NPAS3: variants seen among roughly 807,000 people sequenced by gnomAD.
NPAS3 encodes the protein neuronal PAS domain-containing protein 3.
Under a neutral mutation model 73.1 loss-of-function variants are expected in NPAS3, and 14 were observed. That is an observed-to-expected ratio of 0.19 (90% CI 0.13 to 0.30). NPAS3 has a LOEUF of 0.30. Among genes scored for constraint, NPAS3 ranks in the 10% least tolerant of loss-of-function variants. NPAS3 has a pLI of 1.00. For synonymous variants in NPAS3, 620 were observed against 541.5 expected (o/e 1.14, Z -2.01); for missense variants, 1,096 against 1,250.0 (o/e 0.88, Z 1.86).
At chr14:33,020,338 C>A (rs951015936) in intron 1 of NPAS3, among the ~76,000 whole-genome samples, 1 of 152,194 alleles carries the variant, frequency 6.6e-6, no homozygotes, top group African/African-American at 2.4e-5. Flanking sequence ...CAAATCCTGG[C>A]TCCACTGCTA....
At chr14:32,949,105 A>G (rs1168544973) in intron 1 of NPAS3, among the ~76,000 whole-genome samples, 1 of 152,032 alleles carries the variant, frequency 6.6e-6, no homozygotes, top group Non-Finnish European at 1.5e-5. Context: ...GGCTTTCTGT[A>G]TTTTCTAAGT....
At chr14:33,796,547 T>G (rs77201728) in intron 10 of NPAS3, among the ~76,000 whole-genome samples, 2,710 of 152,268 alleles carry the variant, frequency 0.018, 73 homozygotes, top group African/African-American at 0.062. Flanking sequence ...TAATCATCAA[T>G]TTTAAGTCTC....
rs558231358 is a variant in NPAS3 at position 33,423,605 on chromosome 14, C to T, written c.468+56337C>T. ...AGAGAAATATTAAAAAGGAGACAAACGTACTTTAGTTCAAGAAACATATTT... is the reference window on the plus strand; with the variant it reads ...AGAGAAATATTAAAAAGGAGACAAATGTACTTTAGTTCAAGAAACATATTT... On this transcript the variant is annotated intron_variant, in intron 4 of 11. Transcript: ENST00000356141. Among the ~76,000 whole-genome samples the T allele has an allele frequency of 3.8e-4, 58 of 151,950 alleles. No individual in the cohort carries two copies. In the Middle Eastern group the frequency reaches 0.01, roughly 27 times the overall value.
At chr14:33,758,565 T>C (rs1374811023) in intron 7 of NPAS3, among the ~76,000 whole-genome samples, 1 of 152,252 alleles carries the variant, frequency 6.6e-6, no homozygotes, top group Non-Finnish European at 1.5e-5. Flanking sequence ...GGAAGAAGGC[T>C]ATGAGCTTAA....
intron 1 of NPAS3, among the ~76,000 whole-genome samples, chr14:33,048,915 C>T (rs950805371): frequency 7.9e-5 from 12 of 152,156 alleles, no homozygotes; most frequent in East Asian, 1.9e-4. Context: ...TGTGTGTACA[C>T]GTATTTAGGA....
intron 3 of NPAS3, among the ~76,000 whole-genome samples, chr14:33,315,660 C>A (rs746289656): frequency 3.3e-5 from 5 of 151,684 alleles, no homozygotes; most frequent in Non-Finnish European, 7.4e-5. Context: ...GTAAGAGATA[C>A]AGTATATGTT....
At chr14:33,669,976 C>T (rs1053627068) in intron 5 of NPAS3, among the ~76,000 whole-genome samples, 5 of 152,044 alleles carry the variant, frequency 3.3e-5, no homozygotes, top group African/African-American at 7.2e-5. Flanking sequence ...AGTGCAATGT[C>T]GTGATCTCAG....
chr14:33,292,799 C>T (rs1162303135), intron 3 of NPAS3, among the ~76,000 whole-genome samples: 4 of 152,060 alleles, frequency 2.6e-5, no homozygotes, highest in African/African-American at 9.7e-5. Context: ...TTCTAGTGTC[C>T]CATTCAAATA....
chr14:33,168,620 G>T (rs139154027), intron 2 of NPAS3, among the ~76,000 whole-genome samples: 2 of 152,278 alleles, frequency 1.3e-5, no homozygotes, highest in Non-Finnish European at 2.9e-5. Context: ...TGTAGTTGGT[G>T]TAGAGTTCCC....
intron 1 of NPAS3, among the ~76,000 whole-genome samples, chr14:32,949,930 G>A (rs1322644869): frequency 6.6e-6 from 1 of 151,832 alleles, no homozygotes; most frequent in Non-Finnish European, 1.5e-5. Context: ...TTAAAGGATT[G>A]TTTTCTTTGA....
At chr14:33,459,674 C>A (rs1232480472) in intron 4 of NPAS3, among the ~76,000 whole-genome samples, 3 of 152,036 alleles carry the variant, frequency 2.0e-5, no homozygotes, top group African/African-American at 7.2e-5. Context: ...AAAGTTGATT[C>A]TTTTATATCT....
intron 3 of NPAS3, among the ~76,000 whole-genome samples, chr14:33,363,912 G>A (rs1020266153): frequency 3.3e-5 from 4 of 119,636 alleles, no homozygotes; most frequent in Non-Finnish European, 5.4e-5. Flanking sequence ...CATTTATTTA[G>A]CAATGCCCTC....
chr14:33,432,694 G>A (rs892336858), intron 4 of NPAS3, among the ~76,000 whole-genome samples: 3 of 152,084 alleles, frequency 2.0e-5, no homozygotes, highest in Non-Finnish European at 4.4e-5. Flanking sequence ...AGCCATTTAT[G>A]ATTGAAACTC....
rs567269155 is a variant in NPAS3, at chr14:33,146,707, A to T, written c.141-68475A>T. Among the ~76,000 whole-genome samples the T allele has an allele frequency of 3.9e-5, 6 of 152,330 alleles. No homozygotes were observed. The East Asian group carries it at 1.2e-3, about 29-fold the overall frequency. On this transcript the variant is annotated intron_variant, in intron 2 of 11. Coordinates refer to ENST00000356141, the Ensembl canonical transcript of NPAS3. Reference sequence around the variant, plus strand: ...AGTACAGTGCCTAGCACAGTTTCAGACACCTAAACATGCCTTAGCTGTGGT... The same window carrying T: ...AGTACAGTGCCTAGCACAGTTTCAGTCACCTAAACATGCCTTAGCTGTGGT...
At chr14:33,723,238 C>T (rs1446113094) in intron 6 of NPAS3, among the ~76,000 whole-genome samples, 1 of 152,138 alleles carries the variant, frequency 6.6e-6, no homozygotes, top group Admixed American at 6.5e-5. Context: ...ATCTTCTAAA[C>T]TCTTCCATTT....
At chr14:33,300,649 C>A (rs1243541293) in intron 3 of NPAS3, among the ~76,000 whole-genome samples, 2 of 152,140 alleles carry the variant, frequency 1.3e-5, no homozygotes, top group African/African-American at 4.8e-5. Context: ...CTTTACCCTA[C>A]CTCCCTGGAC....
intron 8 of NPAS3, 57 bp from the exon 9 acceptor site, chr14:33,778,409 A>T (rs1360652242): frequency 1.6e-6 from 2 of 1,228,562 alleles, no homozygotes; most frequent in African/African-American, 1.5e-5. Context: ...AAGTTATTTG[A>T]CAGTTTCTTT....
rs561375130 is a variant in NPAS3, at chr14:33,420,377, G to C, written c.468+53109G>C. On this transcript the variant is annotated intron_variant, in intron 4 of 11. Coordinates refer to ENST00000356141, the Ensembl canonical transcript of NPAS3. ...CCACTAATAATAACACATGAGGACA[G>C]TCAGACAAAATGAAGACAAATGCTG... Among the ~76,000 whole-genome samples the C allele has an allele frequency of 2.0e-4, 30 of 152,056 alleles. No homozygotes were observed. The South Asian group carries it at 6.0e-3, about 30-fold the overall frequency.
intron 4 of NPAS3, among the ~76,000 whole-genome samples, chr14:33,406,349 G>A (rs1006636371): frequency 1.3e-5 from 2 of 152,110 alleles, no homozygotes; most frequent in Admixed American, 6.6e-5. Flanking sequence ...AGTAAACTAA[G>A]AAGCAGAGAG....
Sources: gnomAD v4.1 joint callset for allele counts (sites outside exome capture counted in the v4.1 genomes callset) on GRCh38, gnomAD v4.1.1 for gene constraint, MANE v1.5 for transcripts, NCBI Gene and HGNC (gene_info 2026-07-23, HGNC 2026-07-21) for gene names.